DSC3: variants seen among roughly 807,000 people sequenced by gnomAD.
DSC3 encodes desmocollin 3, also known as desmocollin-3.
Under a neutral mutation model 89.5 loss-of-function variants are expected in DSC3, and 97 were observed. The observed-to-expected ratio is 1.08, with a 90% CI of 0.92 to 1.28. DSC3 has a LOEUF of 1.28. DSC3 is among the 50% of genes most tolerant of loss of function. The probability of loss-of-function intolerance (pLI) is 0.00; values close to 1 mark genes in which losing one functional copy is unlikely to be tolerated. For missense variants in DSC3, 1,199 were observed against 1,085.3 expected, an observed-to-expected ratio of 1.10 and a Z score of -1.47; for synonymous variants, 436 against 384.1, an observed-to-expected ratio of 1.14 and a Z score of -1.58.
In DSC3 at chr18:31,008,769, TC is replaced by T. The variant is rs1402514672; in HGVS notation, c.1264-245del. Among the ~76,000 whole-genome samples the T allele has an allele frequency of 3.9e-5, 6 of 152,148 alleles. No homozygotes were observed. The East Asian group carries it at 1.2e-3, about 29-fold the overall frequency. ...GACAAACGAAATTCCGGAAATATTT[TC>T]ATATTTCACTCTTACTAAGGAAAAT... On this transcript the variant is annotated intron_variant, in intron 9 of 15. Transcript: ENST00000360428.
chr18:31,008,528 T>G lies in DSC3; in HGVS notation c.1264-3A>C. The G allele has an allele frequency of 4.3e-6, 7 of 1,613,982 alleles. No individual in the cohort carries two copies. The highest frequency in any genetic ancestry group is 5.9e-6 in the Non-Finnish European group (7 of 1,179,990). On this transcript the variant is annotated splice_polypyrimidine_tract_variant and splice_region_variant and intron_variant, in intron 9 of 15. Transcript: ENST00000360428. ...CGGTTTTCTTCATAATTCAGTGGCTTTAAAATAAAGTCCATGTATATCAGT... is the reference window on the plus strand; with the variant it reads ...CGGTTTTCTTCATAATTCAGTGGCTGTAAAATAAAGTCCATGTATATCAGT...
At chr18:31,023,653 G>A (rs1310323059) in intron 6 of DSC3, among the ~76,000 whole-genome samples, 2 of 152,030 alleles carry the variant, frequency 1.3e-5, no homozygotes, top group Admixed American at 1.3e-4. Flanking sequence ...AAGCAAATTA[G>A]GAAAGTCATC....
At chr18:31,027,192 G>A (rs1985626800) in intron 4 of DSC3, among the ~76,000 whole-genome samples, 1 of 152,048 alleles carries the variant, frequency 6.6e-6, no homozygotes, top group Admixed American at 6.6e-5. Flanking sequence ...TCATAATGTA[G>A]ATGATAGAAA....
In DSC3 at chr18:30,996,735, A is replaced by G. The variant is rs890657438; in HGVS notation, c.2493+56T>C. ...AAATATATGTTAATTTGAATTGTCT[A>G]TTTTTCTCCATTCGGAGGTTTAAAT... On this transcript the variant is annotated intron_variant, in intron 15 of 15. Coordinates refer to ENST00000360428, the MANE Select transcript of DSC3 (RefSeq NM_001941.5). The G allele has an allele frequency of 4.4e-6, 7 of 1,603,588 alleles. No homozygotes were observed. In the African/African-American group the frequency reaches 9.4e-5, roughly 22 times the overall value.
At chr18:31,029,438 GA>G in intron 4 of DSC3, 70 bp downstream of exon 4, 8 of 1,559,820 alleles carry the variant, frequency 5.1e-6, no homozygotes, top group Non-Finnish European at 5.3e-6. Flanking sequence ...TATGTTTAAA[GA>G]GGTATTAAAT....
chr18:31,012,603 A>T (rs1391123652), intron 9 of DSC3, among the ~76,000 whole-genome samples: 2 of 152,242 alleles, frequency 1.3e-5, no homozygotes, highest in Non-Finnish European at 2.9e-5. Flanking sequence ...TCTGGAAATG[A>T]GAAGAATTAG....
chr18:31,038,107 T>G (rs1986028904), intron 1 of DSC3, among the ~76,000 whole-genome samples: 1 of 152,226 alleles, frequency 6.6e-6, no homozygotes, highest in Non-Finnish European at 1.5e-5. Flanking sequence ...ACATAAAATA[T>G]TTATATCTTA....
chr18:31,017,554 T>A, intron 9 of DSC3, among the ~76,000 whole-genome samples: 1 of 152,134 alleles, frequency 6.6e-6, no homozygotes. Flanking sequence ...AATATCACCT[T>A]TAAAAGGATC....
In DSC3 at chr18:31,022,135, T is replaced by C. The variant is rs963509789; in HGVS notation, c.942+201A>G. 2.0e-5 allele frequency among the ~76,000 whole-genome samples: 3 copies of C among 152,278 alleles called. No homozygotes were observed. In the South Asian group the frequency reaches 6.2e-4, roughly 32 times the overall value. ...CTCATCCCTTCTAAATGCCAATTGA[T>C]CTGCGTTTCTAGTCCTTATGGCTAC... On this transcript the variant is annotated intron_variant, in intron 7 of 15. Transcript: ENST00000360428.
chr18:31,035,292 A>C (rs988815201), intron 1 of DSC3, among the ~76,000 whole-genome samples: 1 of 152,060 alleles, frequency 6.6e-6, no homozygotes, highest in African/African-American at 2.4e-5. Context: ...CCCTCACTTA[A>C]ATTAGTCAGA....
At chr18:31,020,984 C>T (rs1416723543) in intron 7 of DSC3, among the ~76,000 whole-genome samples, 1 of 151,728 alleles carries the variant, frequency 6.6e-6, no homozygotes, top group Non-Finnish European at 1.5e-5. Flanking sequence ...AACCAATATT[C>T]CCACCTTAAA....
At position 30,989,391 on chromosome 18, in the gene DSC3, T is replaced by G. The variant is rs890698107; in HGVS notation, c.*4784A>C. On this transcript the variant is annotated 3_prime_UTR_variant, in exon 16 of 16. Coordinates refer to ENST00000360428, the MANE Select transcript of DSC3 (RefSeq NM_001941.5). ...ATGTACGATTTCATTTATATGAATGTCCAGAGTAGGCAAATCCATAGAGAC... is the reference window on the plus strand; with the variant it reads ...ATGTACGATTTCATTTATATGAATGGCCAGAGTAGGCAAATCCATAGAGAC... Among the ~76,000 whole-genome samples, 10 of 152,102 alleles carry G rather than the reference T, an allele frequency of 6.6e-5. No homozygotes were observed. The highest frequency in any genetic ancestry group is 1.5e-4 in the Non-Finnish European group (10 of 68,018).
intron 1 of DSC3, among the ~76,000 whole-genome samples, chr18:31,035,819 T>C (rs780513481): frequency 2.0e-5 from 3 of 152,142 alleles, no homozygotes; most frequent in Non-Finnish European, 2.9e-5. Flanking sequence ...CTCCAGGGAA[T>C]AGAGTTTTCA....
At chr18:30,995,417 C>G (rs142427688) in intron 15 of DSC3, among the ~76,000 whole-genome samples, 8 of 152,184 alleles carry the variant, frequency 5.3e-5, no homozygotes, top group Non-Finnish European at 1.2e-4. Context: ...ACCTACAGCC[C>G]TATACCAGAG....
chr18:30,996,410 A>T (rs531167035), intron 15 of DSC3, among the ~76,000 whole-genome samples: 253 of 152,302 alleles, frequency 1.7e-3, no homozygotes, highest in African/African-American at 5.7e-3. Context: ...CTAAAACTGC[A>T]TACAAATGTT....
Position 31,004,201 on chromosome 18 carries a change from C to G in DSC3, c.2054G>C (p.Gly685Ala). Residue 685 changes from glycine (G) to alanine (A), a missense_variant, in exon 13 of 16, where the codon GGA (glycine) becomes GCA (alanine). Physicochemically the swap from Gly to Ala is moderately conservative, Grantham distance 60 (BLOSUM62 0). Coordinates refer to ENST00000360428, the MANE Select transcript of DSC3 (RefSeq NM_001941.5). The stretch of plus-strand genomic sequence containing the variant: ...GATTGCCCATTTTCCAAGTATTACT[C>G]CTGTACTCCTTGAAGTCGCACGACA... ...TQCRATSRST[G>A]VILGKWAILA... is the part of the protein sequence containing the mutation. 6.2e-7 allele frequency: 1 copy of G among 1,613,936 alleles called. No homozygotes were observed.
At chr18:31,022,147 G>A (rs562828576) in intron 7 of DSC3, among the ~76,000 whole-genome samples, 189 bp downstream of exon 7, 1 of 152,108 alleles carries the variant, frequency 6.6e-6, no homozygotes, top group South Asian at 2.1e-4. Context: ...TGCGTTTCTA[G>A]TCCTTATGGC....
At chr18:31,032,968 G>A (rs1985850986) in intron 1 of DSC3, among the ~76,000 whole-genome samples, 1 of 152,082 alleles carries the variant, frequency 6.6e-6, no homozygotes, top group Non-Finnish European at 1.5e-5. Flanking sequence ...CTAAATAAAT[G>A]AGTTCAGTAA....
chr18:31,023,933 C>T (rs896026089), intron 6 of DSC3, among the ~76,000 whole-genome samples: 10 of 151,824 alleles, frequency 6.6e-5, no homozygotes, highest in African/African-American at 2.4e-4. Flanking sequence ...AAAACTGTAC[C>T]CTTAGTGGAT....
Sources: gnomAD v4.1 joint callset for allele counts (sites outside exome capture counted in the v4.1 genomes callset) on GRCh38, gnomAD v4.1.1 for gene constraint, MANE v1.5 for transcripts, NCBI Gene and HGNC (gene_info 2026-07-23, HGNC 2026-07-21) for gene names.